The following DPY19L3 variants were observed in gnomAD, a reference collection of about 807,000 sequenced individuals.
DPY19L3 encodes the protein dpy-19 like C-mannosyltransferase 3.
A neutral mutation model predicts 92.3 loss-of-function variants in DPY19L3; 51 were observed. That is an observed-to-expected ratio of 0.55 (90% CI 0.44 to 0.70). The LOEUF is 0.70. Among genes scored for constraint, DPY19L3 ranks in the 30% least tolerant of loss-of-function variants. The pLI, the probability that DPY19L3 is intolerant of heterozygous loss-of-function variation, is 0.00. For missense variants in DPY19L3, 706 were observed against 855.9 expected, an observed-to-expected ratio of 0.82 and a Z score of 2.18; for synonymous variants, 309 against 315.2, an observed-to-expected ratio of 0.98 and a Z score of 0.21.
intron 10 of DPY19L3, 111 bp from the exon 11 acceptor site, chr19:32,457,989 C>T (rs1568350569): frequency 1.3e-6 from 1 of 774,578 alleles, no homozygotes; most frequent in East Asian, 2.7e-5. Flanking sequence ...ATTTTGTACA[C>T]CCACACGCTC....
intron 4 of DPY19L3, among the ~76,000 whole-genome samples, chr19:32,435,593 G>A (rs1435020129): frequency 6.6e-6 from 1 of 152,174 alleles, no homozygotes; most frequent in Non-Finnish European, 1.5e-5. Context: ...GTATATAGGA[G>A]TCTACTTTTT....
chr19:32,463,314 T>A (rs371068346), intron 12 of DPY19L3, 52 bp from the exon 13 acceptor site: 1 of 1,594,276 alleles, frequency 6.3e-7, no homozygotes, highest in African/African-American at 1.3e-5. Flanking sequence ...TACAAAGATC[T>A]AACTAAAATT....
chr19:32,431,690 T>C (rs1396742874), intron 3 of DPY19L3, among the ~76,000 whole-genome samples: 1 of 152,180 alleles, frequency 6.6e-6, no homozygotes, highest in Non-Finnish European at 1.5e-5. Context: ...AGCCTGAAGG[T>C]GATTTTATAC....
chr19:32,471,795 C>T (rs1161387991), intron 16 of DPY19L3, among the ~76,000 whole-genome samples: 2 of 152,098 alleles, frequency 1.3e-5, no homozygotes, highest in East Asian at 3.9e-4. Flanking sequence ...GAGATATCCT[C>T]AAGGGAAAAT....
intron 8 of DPY19L3, among the ~76,000 whole-genome samples, chr19:32,451,634 A>C (rs910200479): frequency 6.6e-6 from 1 of 152,206 alleles, no homozygotes; most frequent in African/African-American, 2.4e-5. Context: ...GGCATTGTCT[A>C]ATTTGAAAGA....
chr19:32,414,726 C>T (rs1968321043), intron 3 of DPY19L3, among the ~76,000 whole-genome samples: 1 of 152,170 alleles, frequency 6.6e-6, no homozygotes, highest in South Asian at 2.1e-4. Flanking sequence ...TGAATGCTAA[C>T]AACCGTATAG....
chr19:32,469,695 A>G (rs112381257), intron 16 of DPY19L3, among the ~76,000 whole-genome samples: 5 of 152,232 alleles, frequency 3.3e-5, no homozygotes, highest in African/African-American at 1.2e-4. Flanking sequence ...ATAATGCTTT[A>G]GTGTCCTATT....
intron 12 of DPY19L3, 104 bp from the exon 13 acceptor site, chr19:32,463,262 T>C: frequency 8.0e-7 from 1 of 1,255,730 alleles, no homozygotes; most frequent in Non-Finnish European, 1.1e-6. Context: ...ATAATCAATT[T>C]CTGAATACAT....
At chr19:32,432,166 G>A (rs952081471) in intron 3 of DPY19L3, among the ~76,000 whole-genome samples, 3 of 152,206 alleles carry the variant, frequency 2.0e-5, no homozygotes, top group Admixed American at 2.0e-4. Context: ...TTGGCTAATA[G>A]CTATTTAAGT....
Position 32,428,838 on chromosome 19 carries a change from T to TTTGTTG in DPY19L3, c.238-3876_238-3875insGTTGTT, listed in dbSNP as rs1190399357. 4.4e-4 allele frequency among the ~76,000 whole-genome samples: 67 copies of TTTGTTG among 151,818 alleles called. 1 individual carries two copies. The highest frequency in any genetic ancestry group is 9.4e-4 in the Non-Finnish European group (64 of 67,930). ...GCTGTACAGTTTTTTTTTTGTTTTT[T>TTTGTTG]TTCTTGTTGTTGTTGTTTGTTTGTT... is the stretch of plus-strand genomic sequence containing the variant. On this transcript the variant is annotated intron_variant, in intron 3 of 18. Coordinates refer to ENST00000392250, the MANE Select transcript of DPY19L3 (RefSeq NM_001172774.2).
At chr19:32,456,079 CTTTTTTT>C (rs899726982) in intron 10 of DPY19L3, among the ~76,000 whole-genome samples, 3 of 103,402 alleles carry the variant, frequency 2.9e-5, no homozygotes, top group African/African-American at 7.5e-5. Flanking sequence ...TCACTATGTT[CTTTTTTT>C]TTTTTTTTTT....
At chr19:32,410,505 G>T (rs944558666) in intron 2 of DPY19L3, among the ~76,000 whole-genome samples, 2 of 152,170 alleles carry the variant, frequency 1.3e-5, no homozygotes, top group Admixed American at 1.3e-4. Flanking sequence ...TCGGCCAGGT[G>T]CAGTGGCTCA....
chr19:32,485,833 A>G lies in DPY19L3; in HGVS notation c.*3593A>G, dbSNP rs566150963. ...TAAAATCTTGCAAAGAGCTTTTATA[A>G]TTTGTTTTACTGAATTGTATGGAGA... On this transcript the variant is annotated 3_prime_UTR_variant, in exon 19 of 19. Coordinates refer to ENST00000392250, the MANE Select transcript of DPY19L3 (RefSeq NM_001172774.2). 4.6e-5 allele frequency: 7 copies of G among 152,322 alleles called. No individual in the cohort carries two copies. The highest frequency in any genetic ancestry group is 1.7e-4 in the African/African-American group (7 of 41,582). The allele number at this position is 152,322 out of a possible 1,614,324, so 9.4% of individuals were successfully genotyped here. A position where few individuals can be genotyped will look rare whatever the true frequency, so the allele number is the denominator to read the frequency against.
rs1225140357 is a variant in DPY19L3 at position 32,483,083 on chromosome 19, G to A, written c.*843G>A. The stretch of plus-strand genomic sequence containing the variant: ...ATTTCTTACTCATTTCAATTTATTG[G>A]GTTTGCAAAATTTTGTAAACTTTTT... On this transcript the variant is annotated 3_prime_UTR_variant, in exon 19 of 19. Transcript: ENST00000392250. 6.6e-6 allele frequency: 1 copy of A among 151,950 alleles called. No individual in the cohort carries two copies. The highest frequency in any genetic ancestry group is 1.5e-5 in the Non-Finnish European group (1 of 67,980). The allele number at this position is 151,950 out of a possible 1,614,324, so 9.4% of individuals were successfully genotyped here. A position where few individuals can be genotyped will look rare whatever the true frequency, so the allele number is the denominator to read the frequency against.
intron 3 of DPY19L3, among the ~76,000 whole-genome samples, chr19:32,415,933 A>G (rs1351504229): frequency 6.6e-6 from 1 of 152,228 alleles, no homozygotes; most frequent in Non-Finnish European, 1.5e-5. Context: ...CTTTGAGGAC[A>G]TGTAAACCAA....
At chr19:32,439,351 A>G (rs901636265) in intron 7 of DPY19L3, 116 bp downstream of exon 7, 4 of 1,087,728 alleles carry the variant, frequency 3.7e-6, no homozygotes, top group African/African-American at 3.2e-5. Flanking sequence ...TCCATGACCA[A>G]TTTTTAAACT....
chr19:32,463,523 T>A (rs1300587585), intron 13 of DPY19L3, 35 bp downstream of exon 13: 1 of 1,599,620 alleles, frequency 6.3e-7, no homozygotes, highest in East Asian at 2.2e-5. Context: ...TACTTTTTAT[T>A]TGATCACTCT....
At chr19:32,454,209 T>C (rs1241730027) in intron 9 of DPY19L3, among the ~76,000 whole-genome samples, 1 of 152,206 alleles carries the variant, frequency 6.6e-6, no homozygotes, top group Non-Finnish European at 1.5e-5. Context: ...ACAATGTACT[T>C]CTTTTTACAC....
At chr19:32,407,079 C>T (rs1005286850) in intron 1 of DPY19L3, among the ~76,000 whole-genome samples, 6 of 151,598 alleles carry the variant, frequency 4.0e-5, no homozygotes, top group Non-Finnish European at 5.9e-5. Flanking sequence ...AGCAAGTTAC[C>T]CTTAGGAATT....
Sources: gnomAD v4.1 joint callset for allele counts (sites outside exome capture counted in the v4.1 genomes callset) on GRCh38, gnomAD v4.1.1 for gene constraint, MANE v1.5 for transcripts, NCBI Gene and HGNC (gene_info 2026-07-23, HGNC 2026-07-21) for gene names.